The following GSDMD variants were observed in gnomAD, a reference collection of about 807,000 sequenced individuals.
GSDMD encodes gasdermin D.
In GSDMD, 46 loss-of-function variants were observed where a neutral mutation model predicts 46.7. The ratio of observed to expected loss-of-function variants is 0.99; its 90% CI spans 0.78 to 1.26. GSDMD has a LOEUF of 1.26. Ranked by LOEUF, GSDMD falls within the 50% of genes most tolerant of loss-of-function variation. The pLI is 0.00. For missense variants in GSDMD, 649 were observed against 638.8 expected (o/e 1.02, Z -0.17); for synonymous variants, 307 against 283.1 (o/e 1.08, Z -0.85).
In GSDMD at chr8:143,561,072, G is replaced by C; in HGVS notation, c.650G>C (p.Arg217Pro). 1.2e-6 allele frequency: 2 copies of C among 1,613,208 alleles called. No homozygotes were observed. Among genetic ancestry groups the C allele is most frequent in the Non-Finnish European group, 1.7e-6 (2 of 1,179,960 alleles). Reference protein sequence around the residue: ...TIPSGSTLAFRVAQLVIDSDL... With the variant: ...TIPSGSTLAFPVAQLVIDSDL... ...CCCTCAGGCAGCACCCTCGCATTCC[G>C]GGTGGCCCAGCTGGTTATTGACTCT... Residue 217 changes from arginine to proline, a missense_variant, in exon 5 of 11, where the codon CGG becomes CCG. Coordinates refer to ENST00000262580, the MANE Select transcript of GSDMD (RefSeq NM_024736.7).
intron 1 of GSDMD, 106 bp downstream of exon 1, chr8:143,558,557 C>T (rs1586993514): frequency 1.8e-6 from 2 of 1,125,754 alleles, no homozygotes; most frequent in African/African-American, 3.3e-5. Flanking sequence ...CAGCGTTCGC[C>T]CAGAAGGCCC....
chr8:143,560,835 G>A, intron 4 of GSDMD, 64 bp downstream of exon 4: 1 of 1,456,092 alleles, frequency 6.9e-7, no homozygotes, highest in Non-Finnish European at 9.0e-7. Flanking sequence ...GGGTGACGGA[G>A]GCGGCGGGCT....
Position 143,562,368 on chromosome 8 carries a change from G to A in GSDMD, c.1138+18G>A, listed in dbSNP as rs555337354. On this transcript the variant is annotated intron_variant, in intron 9 of 10. Transcript: ENST00000262580. ...ACTGACCAGTGAGCGGCCGCTGGGG[G>A]CAGGTGGCGGGTGGGAGGGAGGGAG... 7.8e-4 allele frequency: 1,177 copies of A among 1,516,568 alleles called. No individual in the cohort carries two copies. The highest frequency in any genetic ancestry group is 9.7e-4 in the Non-Finnish European group (1,085 of 1,121,712). The allele number at this position is 1,516,568 out of a possible 1,614,324, so 93.9% of individuals were successfully genotyped here.
chr8:143,562,512 G>T lies in GSDMD; in HGVS notation c.1203G>T (p.Pro401=). ...TGGAGTCGCAGACCCTGTTGGGGCC[G>T]CTCGAGCTGGTGAGAGGGTTGGGTT... is the stretch of plus-strand genomic sequence containing the variant. ...EALESQTLLG[P]LELVGSLLEQ... The change falls in exon 10 of 11, where the codon CCG becomes CCT. Residue 401 remains proline (P), a synonymous_variant. Transcript: ENST00000262580. The T allele has an allele frequency of 6.2e-7, 1 of 1,606,780 alleles. No homozygotes were observed. Among genetic ancestry groups the T allele is most frequent in the Non-Finnish European group, 8.5e-7 (1 of 1,179,312 alleles).
chr8:143,561,280 C>A, intron 5 of GSDMD, 90 bp from the exon 6 acceptor site: 1 of 1,330,786 alleles, frequency 7.5e-7, no homozygotes, highest in Non-Finnish European at 1.0e-6. Flanking sequence ...AGGGCCTGAG[C>A]TGGACAGGGG....
upstream of GSDMD, chr8:143,554,951 C>T (rs1275636347): frequency 6.6e-6 from 1 of 152,292 alleles, no homozygotes; most frequent in African/African-American, 2.4e-5. Flanking sequence ...GTGCCCATCA[C>T]CAGCCAAAGC....
chr8:143,557,336 G>GCGAAGGA (rs1563902633), upstream of GSDMD, among the ~76,000 whole-genome samples: 9,167 of 38,682 alleles, frequency 0.24, 1,197 homozygotes, highest in South Asian at 0.4. Flanking sequence ...TGCCGCTATG[G>GCGAAGGA]TGAAGGATGC....
chr8:143,559,034 C>A, intron 1 of GSDMD: 1 of 583,150 alleles, frequency 1.7e-6, no homozygotes. Flanking sequence ...CAGCCAGAGG[C>A]AGCCATTCTA....
At position 143,562,690 on chromosome 8, in the gene GSDMD, C is replaced by T. The variant is rs1325290515; in HGVS notation, c.1241C>T (p.Pro414Leu). 8.7e-6 allele frequency: 14 copies of T among 1,604,348 alleles called. No homozygotes were observed. The highest frequency in any genetic ancestry group is 3.3e-5 in the South Asian group (3 of 89,824). ...LVGSLLEQSA[P>L]WQERSTMSLP... ...GGCAGCCTCTTGGAGCAGAGTGCCC[C>T]GTGGCAGGAGCGCAGCACCATGTCC... The change falls in exon 11 of 11, where the codon CCG becomes CTG. Residue 414 changes from proline to leucine, a missense_variant. Pro to Leu is a moderately conservative substitution (Grantham distance 98). Coordinates refer to ENST00000262580, the MANE Select transcript of GSDMD (RefSeq NM_024736.7).
Position 143,562,487 on chromosome 8 carries a change from T to C in GSDMD, c.1178T>C (p.Leu393Pro). Residue 393 changes from leucine (L) to proline (P), a missense_variant, in exon 10 of 11, where the codon CTG (leucine) becomes CCG (proline). Transcript: ENST00000262580. The part of the protein sequence containing the change: ...ETQHKLLAEA[L>P]ESQTLLGPLE... Reference sequence around the variant, plus strand: ...CAGCACAAGCTGCTGGCGGAGGCGCTGGAGTCGCAGACCCTGTTGGGGCCG... The same window carrying C: ...CAGCACAAGCTGCTGGCGGAGGCGCCGGAGTCGCAGACCCTGTTGGGGCCG... The C allele has an allele frequency of 6.2e-7, 1 of 1,608,724 alleles. No individual in the cohort carries two copies. Among genetic ancestry groups the C allele is most frequent in the Non-Finnish European group, 8.5e-7 (1 of 1,179,636 alleles).
In GSDMD at chr8:143,559,802, C is replaced by G; in HGVS notation, c.243C>G (p.His81Gln). The G allele has an allele frequency of 6.2e-7, 1 of 1,606,928 alleles. No homozygotes were observed. Among genetic ancestry groups the G allele is most frequent in the African/African-American group, 1.3e-5 (1 of 74,944 alleles). ...EPDVQRGRSF[H>Q]FYDAMDGQIQ... ...ACGTGCAGCGTGGCAGGAGCTTCCACTTCTACGATGCCATGGATGGGCAGA... is the reference window on the plus strand; with the variant it reads ...ACGTGCAGCGTGGCAGGAGCTTCCAGTTCTACGATGCCATGGATGGGCAGA... The change falls in exon 3 of 11, where the codon CAC (histidine) becomes CAG (glutamine). Residue 81 changes from histidine (H) to glutamine (Q), a missense_variant. Coordinates refer to ENST00000262580, the MANE Select transcript of GSDMD (RefSeq NM_024736.7).
Position 143,562,479 on chromosome 8 carries a change from G to A in GSDMD, c.1170G>A (p.Ala390=), listed in dbSNP as rs147170827. Residue 390 remains alanine (A), a synonymous_variant, in exon 10 of 11, where the codon GCG becomes GCA. Coordinates refer to ENST00000262580, the MANE Select transcript of GSDMD (RefSeq NM_024736.7). Reference sequence around the variant, plus strand: ...GTGAAACGCAGCACAAGCTGCTGGCGGAGGCGCTGGAGTCGCAGACCCTGT... The same window carrying A: ...GTGAAACGCAGCACAAGCTGCTGGCAGAGGCGCTGGAGTCGCAGACCCTGT... The part of the protein sequence containing the change: ...MLSETQHKLL[A]EALESQTLLG... 3.2e-5 allele frequency: 51 copies of A among 1,608,718 alleles called. No individual in the cohort carries two copies. Among genetic ancestry groups the A allele is most frequent in the African/African-American group, 2.5e-4 (19 of 74,938 alleles).
rs202016613 is a variant in GSDMD at position 143,559,594 on chromosome 8, A to T, written c.217+42A>T. ...TGAGGCAGAGCCCCAGGGAGGCTGG[A>T]TGGGAGAGGGGAGCGGGCTGGGGCC... On this transcript the variant is annotated intron_variant, in intron 2 of 10. Transcript: ENST00000262580. 23 of 1,577,964 alleles carry T rather than the reference A, an allele frequency of 1.5e-5. No individual in the cohort carries two copies. The African/African-American group carries it at 2.4e-4, about 17-fold the overall frequency.
intron 1 of GSDMD, 52 bp from the exon 2 acceptor site, chr8:143,559,280 T>TTGGGCCC: frequency 1.7e-6 from 1 of 579,430 alleles, no homozygotes; most frequent in Non-Finnish European, 3.2e-6. Context: ...CTTCTCCCAC[T>TTGGGCCC]CCCTCCCGCC....
upstream of GSDMD, among the ~76,000 whole-genome samples, chr8:143,555,506 G>A (rs1027449930): frequency 1.3e-5 from 2 of 152,190 alleles, no homozygotes; most frequent in Non-Finnish European, 2.9e-5. Context: ...GTGGCTGCTA[G>A]GACAGGGCAG....
At chr8:143,561,211 A>G in intron 5 of GSDMD, 107 bp downstream of exon 5, 3 of 1,262,274 alleles carry the variant, frequency 2.4e-6, no homozygotes, top group Non-Finnish European at 3.4e-6. Flanking sequence ...CTGGCTGAAC[A>G]ACGTCCTGTG....
chr8:143,555,625 G>T (rs1823285925), upstream of GSDMD, among the ~76,000 whole-genome samples: 1 of 152,202 alleles, frequency 6.6e-6, no homozygotes. Context: ...TGCTGGCCCT[G>T]TTACCCAGCA....
In GSDMD at chr8:143,559,518, C is replaced by A. The variant is rs760019831; in HGVS notation, c.183C>A (p.Ile61=). The A allele has an allele frequency of 4.3e-6, 7 of 1,612,712 alleles. No individual in the cohort carries two copies. Among genetic ancestry groups the A allele is most frequent in the Admixed American group, 1.7e-5 (1 of 60,004 alleles). Residue 61 remains isoleucine (I), a synonymous_variant, in exon 2 of 11, where the codon ATC becomes ATA. Coordinates refer to ENST00000262580, the MANE Select transcript of GSDMD (RefSeq NM_024736.7). ...GTTATAAGTGTGTCAACCTGTCTAT[C>A]AAGGACATCCTGGAGCCGGATGCCG... ...KPRYKCVNLS[I]KDILEPDAAE...
At position 143,561,826 on chromosome 8, in the gene GSDMD, C is replaced by G. The variant is rs1823469142; in HGVS notation, c.821C>G (p.Thr274Arg). The G allele has an allele frequency of 1.8e-5, 29 of 1,610,728 alleles. No homozygotes were observed. Among genetic ancestry groups the G allele is most frequent in the Non-Finnish European group, 2.4e-5 (28 of 1,178,888 alleles). The change falls in exon 7 of 11, where the codon ACA becomes AGA. Residue 274 changes from threonine (T) to arginine (R), a missense_variant and splice_region_variant. Physicochemically the swap from Thr to Arg is moderately conservative, Grantham distance 71. Coordinates refer to ENST00000262580, the MANE Select transcript of GSDMD (RefSeq NM_024736.7). ...ATGAGGTGCCTCCACAACTTCCTGA[C>G]AGGTCAGTGCCCTCCTGACCGCCCC... ...SMMRCLHNFL[T>R]DGVPAEGAFT...
Sources: gnomAD v4.1 joint callset for allele counts (sites outside exome capture counted in the v4.1 genomes callset) on GRCh38, gnomAD v4.1.1 for gene constraint, MANE v1.5 for transcripts, NCBI Gene and HGNC (gene_info 2026-07-23, HGNC 2026-07-21) for gene names.